BRIP1: variants seen among roughly 807,000 people sequenced by gnomAD.
BRIP1 encodes Fanconi anemia group J protein.
Under a neutral mutation model 119.7 loss-of-function variants are expected in BRIP1, and 88 were observed. That is an observed-to-expected ratio of 0.74 (90% CI 0.62 to 0.88). The LOEUF (loss-of-function observed/expected upper bound fraction) is 0.88, where lower values mean the gene tolerates loss of function less well. Among genes scored for constraint, BRIP1 ranks in the 40% least tolerant of loss-of-function variants. BRIP1 has a pLI of 0.00. For missense variants in BRIP1, 1,259 were observed against 1,455.4 expected (o/e 0.87, Z 2.20); for synonymous variants, 443 against 496.5 (o/e 0.89, Z 1.43).
chr17:61,772,382 A>G (rs1314021973), intron 14 of BRIP1, among the ~76,000 whole-genome samples: 1 of 151,874 alleles, frequency 6.6e-6, no homozygotes, highest in Non-Finnish European at 1.5e-5. Flanking sequence ...AAAGAATACT[A>G]GAGGGTAACA....
rs567472944 is a variant in BRIP1 at position 61,768,482 on chromosome 17, G to A, written c.2097+7919C>T. Among the ~76,000 whole-genome samples, 5 of 152,146 alleles carry A rather than the reference G, an allele frequency of 3.3e-5. No homozygotes were observed. Among genetic ancestry groups the A allele is most frequent in the Non-Finnish European group, 5.9e-5 (4 of 68,032 alleles). ...AATAAGAGTTAGTCTCCATCCATTC[G>A]TGTGTTTATTCATCAAGCATTTATG... On this transcript the variant is annotated intron_variant, in intron 14 of 19. Transcript: ENST00000259008. This position sits in a 1 kb window ranked among gnomAD's most constrained non-coding sequence, Gnocchi z 5.0.
chr17:61,698,702 TTTTTTTA>T (rs1356205900), intron 17 of BRIP1, among the ~76,000 whole-genome samples: 5 of 152,008 alleles, frequency 3.3e-5, no homozygotes, highest in Admixed American at 3.3e-4. Context: ...ACTTGTTATT[TTTTTTTA>T]TTTTTTATTT....
At chr17:61,715,889 G>C in intron 17 of BRIP1, 62 bp downstream of exon 17, 1 of 1,100,746 alleles carries the variant, frequency 9.1e-7, no homozygotes, top group Non-Finnish European at 1.3e-6. Context: ...AAAGTAGCAA[G>C]ACTAGATTTA....
chr17:61,744,714 A>G lies in BRIP1; in HGVS notation c.2098-123T>C. The G allele has an allele frequency of 1.1e-6, 1 of 878,876 alleles. No homozygotes were observed. The highest frequency in any genetic ancestry group is 1.8e-6 in the Non-Finnish European group (1 of 545,470). The allele number at this position is 878,876 out of a possible 1,614,324, so 54.4% of individuals were successfully genotyped here. On this transcript the variant is annotated intron_variant, in intron 14 of 19. Transcript: ENST00000259008. This position sits in a 1 kb window ranked among gnomAD's most constrained non-coding sequence, Gnocchi z 5.0. ...TCTCTCTGTGTCTTTTCTCATTTAT[A>G]AAATGAGGAAAACAATATATCTCAT...
At position 61,699,135 on chromosome 17, in the gene BRIP1, T is replaced by C. The variant is rs933196218; in HGVS notation, c.2493-5623A>G. On this transcript the variant is annotated intron_variant, in intron 17 of 19. Coordinates refer to ENST00000259008, the MANE Select transcript of BRIP1 (RefSeq NM_032043.3). This position sits in a 1 kb window ranked among gnomAD's most constrained non-coding sequence, Gnocchi z 4.8. ...TATTTGCATGGTATGTCTTTTCCCA[T>C]CATTTTATTTTCAACCTATTTGTGT... Among the ~76,000 whole-genome samples, 6 of 152,208 alleles carry C rather than the reference T, an allele frequency of 3.9e-5. No homozygotes were observed. Among genetic ancestry groups the C allele is most frequent in the Non-Finnish European group, 8.8e-5 (6 of 68,034 alleles).
chr17:61,698,722 A>AT (rs1000659745), intron 17 of BRIP1, among the ~76,000 whole-genome samples: 26 of 146,958 alleles, frequency 1.8e-4, no homozygotes, highest in East Asian at 8.0e-4. Flanking sequence ...TTTTATTTTT[A>AT]TTTTTTTTTG....
intron 17 of BRIP1, among the ~76,000 whole-genome samples, chr17:61,712,681 G>A (rs922528945): frequency 8.5e-5 from 13 of 152,060 alleles, no homozygotes; most frequent in East Asian, 1.9e-4. Context: ...CAAGGCAGGC[G>A]GATCACAAGG....
intron 17 of BRIP1, among the ~76,000 whole-genome samples, chr17:61,711,900 TAAA>T (rs1335783318): frequency 6.6e-6 from 1 of 150,702 alleles, no homozygotes. Context: ...AAAACAAAAA[TAAA>T]AAATAAAATG....
In BRIP1 at chr17:61,788,344, G is replaced by A. The variant is rs73991947; in HGVS notation, c.1474-3920C>T. ...TTGAAAGATAGGAAAAAATAATGAA[G>A]AACTATATCTTGTCATGAATGGGAA... On this transcript the variant is annotated intron_variant, in intron 10 of 19. Coordinates refer to ENST00000259008, the MANE Select transcript of BRIP1 (RefSeq NM_032043.3). Among the ~76,000 whole-genome samples the A allele has an allele frequency of 4.9e-3, 748 of 151,974 alleles. 7 individuals carry two copies. The highest frequency in any genetic ancestry group is 0.017 in the African/African-American group (712 of 41,492).
In BRIP1 at chr17:61,807,685, A is replaced by T. The variant is rs547719938; in HGVS notation, c.918+782T>A. On this transcript the variant is annotated intron_variant, in intron 7 of 19. Coordinates refer to ENST00000259008, the MANE Select transcript of BRIP1 (RefSeq NM_032043.3). The surrounding 1 kb of genome is among the most constrained non-coding windows in gnomAD (Gnocchi z 4.5). ...TGAAAAACAAAACAACTCTAAAAAT[A>T]TATTAAAATATCATTGGTCACTTCA... Among the ~76,000 whole-genome samples the T allele has an allele frequency of 1.1e-4, 16 of 152,288 alleles. No homozygotes were observed. The highest frequency in any genetic ancestry group is 1.8e-4 in the Non-Finnish European group (12 of 68,012).
At position 61,804,983 on chromosome 17, in the gene BRIP1, T is replaced by C. The variant is rs1266280437; in HGVS notation, c.918+3484A>G. On this transcript the variant is annotated intron_variant, in intron 7 of 19. Transcript: ENST00000259008. The surrounding 1 kb of genome is among the most constrained non-coding windows in gnomAD (Gnocchi z 4.5). ...GTGTGTGTGTGTGTGTGTGTGTGTG[T>C]GTGTGTGTGTGTGTGTGTAAAATTA... is the stretch of plus-strand genomic sequence containing the variant. 3.3e-5 allele frequency among the ~76,000 whole-genome samples: 5 copies of C among 151,328 alleles called. No homozygotes were observed. The highest frequency in any genetic ancestry group is 6.6e-5 in the Admixed American group (1 of 15,174).
intron 18 of BRIP1, among the ~76,000 whole-genome samples, chr17:61,692,461 G>GA (rs1490430130): frequency 7.9e-5 from 12 of 151,702 alleles, no homozygotes; most frequent in African/African-American, 2.7e-4. Flanking sequence ...TATCTCAATA[G>GA]AAAAAACAAA....
chr17:61,810,396 G>A lies in BRIP1; in HGVS notation c.628-1639C>T, dbSNP rs2078143881. Among the ~76,000 whole-genome samples, 1 of 152,026 alleles carries A rather than the reference G, an allele frequency of 6.6e-6. No individual in the cohort carries two copies. The highest frequency in any genetic ancestry group is 6.6e-5 in the Admixed American group (1 of 15,256). ...GATATTTCTGACTGAATTCTTTTTGGCTTTTGCAATGATCACATTAATCAA... is the reference window on the plus strand; with the variant it reads ...GATATTTCTGACTGAATTCTTTTTGACTTTTGCAATGATCACATTAATCAA... On this transcript the variant is annotated intron_variant, in intron 6 of 19. Coordinates refer to ENST00000259008, the MANE Select transcript of BRIP1 (RefSeq NM_032043.3). This position sits in a 1 kb window ranked among gnomAD's most constrained non-coding sequence, Gnocchi z 4.7.
rs528457395 is a variant in BRIP1, at chr17:61,794,687, T to TA, written c.1341-959dup. 3.4e-5 allele frequency among the ~76,000 whole-genome samples: 5 copies of TA among 144,968 alleles called. No individual in the cohort carries two copies. Among genetic ancestry groups the TA allele is most frequent in the Admixed American group, 6.9e-5 (1 of 14,470 alleles). ...CACATGTACCCCTGAACTTAAAAGTTAAAAAAAAAAGTTCTAATAAAATGA... is the reference window on the plus strand; with the variant it reads ...CACATGTACCCCTGAACTTAAAAGTTAAAAAAAAAAAGTTCTAATAAAATGA... On this transcript the variant is annotated intron_variant, in intron 9 of 19. Coordinates refer to ENST00000259008, the MANE Select transcript of BRIP1 (RefSeq NM_032043.3). The surrounding 1 kb of genome is among the most constrained non-coding windows in gnomAD (Gnocchi z 4.3).
rs2077503957 is a variant in BRIP1 at position 61,774,439 on chromosome 17, G to A, written c.2097+1962C>T. On this transcript the variant is annotated intron_variant, in intron 14 of 19. Coordinates refer to ENST00000259008, the MANE Select transcript of BRIP1 (RefSeq NM_032043.3). This position sits in a 1 kb window ranked among gnomAD's most constrained non-coding sequence, Gnocchi z 5.8. ...ATCACACACTGGGGCCTGTTCTGGGGTGGGGGCCTAGGGGAGGGATAGCAT... is the reference window on the plus strand; with the variant it reads ...ATCACACACTGGGGCCTGTTCTGGGATGGGGGCCTAGGGGAGGGATAGCAT... Among the ~76,000 whole-genome samples the A allele has an allele frequency of 6.6e-6, 1 of 152,160 alleles. No individual in the cohort carries two copies.
At position 61,802,424 on chromosome 17, in the gene BRIP1, C is replaced by A. The variant is rs935369645; in HGVS notation, c.919-950G>T. The stretch of plus-strand genomic sequence containing the variant: ...GCAGTGAGCCATGATCAAGCCACTG[C>A]ACTCCGGCCTGGATGACAAAACAAA... On this transcript the variant is annotated intron_variant, in intron 7 of 19. Transcript: ENST00000259008. This position sits in a 1 kb window ranked among gnomAD's most constrained non-coding sequence, Gnocchi z 6.0. Among the ~76,000 whole-genome samples, 1 of 152,160 alleles carries A rather than the reference C, an allele frequency of 6.6e-6. No individual in the cohort carries two copies. The highest frequency in any genetic ancestry group is 2.4e-5 in the African/African-American group (1 of 41,432).
rs188671259 is a variant in BRIP1 at position 61,824,810 on chromosome 17, C to A, written c.628-16053G>T. Among the ~76,000 whole-genome samples the A allele has an allele frequency of 2.6e-5, 4 of 152,234 alleles. No homozygotes were observed. Among genetic ancestry groups the A allele is most frequent in the African/African-American group, 9.6e-5 (4 of 41,552 alleles). On this transcript the variant is annotated intron_variant, in intron 6 of 19. Transcript: ENST00000259008. This position sits in a 1 kb window ranked among gnomAD's most constrained non-coding sequence, Gnocchi z 4.3. ...CACCATCAACAGAGTAAAAATGCAA[C>A]ACACCAAATGGGAGAAAATATTTAC...
rs762531109 is a variant in BRIP1 at position 61,799,087 on chromosome 17, C to T, written c.1340+13G>A. 10 of 1,605,300 alleles carry T rather than the reference C, an allele frequency of 6.2e-6. No individual in the cohort carries two copies. The highest frequency in any genetic ancestry group is 7.7e-6 in the Non-Finnish European group (9 of 1,172,230). ...AAGGCAGCACAAATACACTAATAGACAAATCTTCTTACTTAATGAGGCTAC... is the reference window on the plus strand; with the variant it reads ...AAGGCAGCACAAATACACTAATAGATAAATCTTCTTACTTAATGAGGCTAC... On this transcript the variant is annotated intron_variant, in intron 9 of 19. Transcript: ENST00000259008. This position sits in a 1 kb window ranked among gnomAD's most constrained non-coding sequence, Gnocchi z 5.1.
rs1447954771 is a variant in BRIP1 at position 61,743,834 on chromosome 17, C to A, written c.2257+598G>T. ...TCCTAAGTAGTTGGAACTATAGGCA[C>A]ATGCACCACACCCTGCTAATGTTTG... On this transcript the variant is annotated intron_variant, in intron 15 of 19. Transcript: ENST00000259008. The surrounding 1 kb of genome is among the most constrained non-coding windows in gnomAD (Gnocchi z 4.3). Among the ~76,000 whole-genome samples the A allele has an allele frequency of 6.6e-6, 1 of 152,058 alleles. No individual in the cohort carries two copies. The highest frequency in any genetic ancestry group is 1.5e-5 in the Non-Finnish European group (1 of 68,014).
Sources: gnomAD v4.1 joint callset for allele counts (sites outside exome capture counted in the v4.1 genomes callset) on GRCh38, gnomAD v4.1.1 for gene constraint, Gnocchi (gnomAD v3.1) non-coding constraint, MANE v1.5 for transcripts, NCBI Gene and HGNC (gene_info 2026-07-23, HGNC 2026-07-21) for gene names.